The following PLCH1 variants were observed in gnomAD, a reference collection of about 807,000 sequenced individuals.
PLCH1 encodes 1-phosphatidylinositol 4,5-bisphosphate phosphodiesterase eta-1.
PLCH1 carries 60 observed loss-of-function variants against 126.7 expected under a neutral mutation model. That is an observed-to-expected ratio of 0.47 (90% CI 0.38 to 0.59). The LOEUF (loss-of-function observed/expected upper bound fraction) is 0.59, where lower values mean the gene tolerates loss of function less well. Among genes scored for constraint, PLCH1 ranks in the 20% least tolerant of loss-of-function variants. The probability of loss-of-function intolerance (pLI) is 0.00; values close to 1 mark genes in which losing one functional copy is unlikely to be tolerated. For missense variants in PLCH1, 1,723 were observed against 2,040.0 expected (o/e 0.84, Z 2.99); for synonymous variants, 719 against 734.9 (o/e 0.98, Z 0.35).
In PLCH1 at chr3:155,494,371, G is replaced by A; in HGVS notation, c.2041C>T (p.Pro681Ser). Residue 681 changes from proline (P) to serine (S), a missense_variant, in exon 16 of 23, where the codon CCT becomes TCT. By Grantham distance (74) the Pro-to-Ser change is moderately conservative (BLOSUM62 -1). Transcript: ENST00000460012. ...AYRIDSSNFN[P>S]LPYWNAGCQL... Reference sequence around the variant, plus strand: ...CAGCCTGCGTTCCAGTAGGGGAGAGGGTTGAAGTTACTGGAATCAATGCGG... The same window carrying A: ...CAGCCTGCGTTCCAGTAGGGGAGAGAGTTGAAGTTACTGGAATCAATGCGG... The A allele has an allele frequency of 1.2e-6, 2 of 1,614,128 alleles. No homozygotes were observed. Among genetic ancestry groups the A allele is most frequent in the Non-Finnish European group, 1.7e-6 (2 of 1,180,002 alleles).
intron 21 of PLCH1, among the ~76,000 whole-genome samples, chr3:155,458,476 AAG>A (rs760095025): frequency 3.6e-5 from 4 of 110,092 alleles, no homozygotes; most frequent in South Asian, 5.2e-4. Flanking sequence ...GAAAGAAAGA[AAG>A]AAAGAAAGAA....
intron 1 of PLCH1, among the ~76,000 whole-genome samples, chr3:155,715,393 C>G (rs1002368310): frequency 5.3e-5 from 8 of 152,168 alleles, no homozygotes; most frequent in African/African-American, 1.9e-4. Flanking sequence ...CCTCTGCCTC[C>G]CAGGGTCAAG....
chr3:155,665,667 G>C (rs550233180), intron 2 of PLCH1, among the ~76,000 whole-genome samples: 1 of 152,280 alleles, frequency 6.6e-6, no homozygotes, highest in East Asian at 1.9e-4. Context: ...AGTCTGATCA[G>C]CCCCGGCCTC....
chr3:155,704,325 G>T (rs992130863), intron 1 of PLCH1, 61 bp from the exon 2 acceptor site: 5 of 425,950 alleles, frequency 1.2e-5, no homozygotes, highest in Non-Finnish European at 2.0e-5. Context: ...GCTCACACTG[G>T]TAGCATAATG....
chr3:155,675,992 CT>C, intron 2 of PLCH1: 1 of 1,493,652 alleles, frequency 6.7e-7, no homozygotes, highest in Non-Finnish European at 9.1e-7. Context: ...TAGTATGAGT[CT>C]TACCTTTTTC....
In PLCH1 at chr3:155,482,501, A is replaced by G; in HGVS notation, c.3525T>C (p.Asn1175=). The G allele has an allele frequency of 1.2e-6, 2 of 1,614,164 alleles. No individual in the cohort carries two copies. The highest frequency in any genetic ancestry group is 1.7e-6 in the Non-Finnish European group (2 of 1,180,012). ...GCTCATTCTCATTTGTTAAAGTGACATTGTCAATAAGATGGGAAATTACAC... is the reference window on the plus strand; with the variant it reads ...GCTCATTCTCATTTGTTAAAGTGACGTTGTCAATAAGATGGGAAATTACAC... ...QESVISHLID[N]VTLTNENEPG... Residue 1175 remains asparagine, a synonymous_variant, in exon 23 of 23, where the codon AAT becomes AAC. Coordinates refer to ENST00000460012, the MANE Select transcript of PLCH1 (RefSeq NM_014996.4).
chr3:155,640,736 A>C (rs1320655528), intron 2 of PLCH1, among the ~76,000 whole-genome samples: 4 of 152,206 alleles, frequency 2.6e-5, no homozygotes, highest in Non-Finnish European at 4.4e-5. Context: ...TTATTGGCCC[A>C]AAACCTCCAT....
chr3:155,715,606 CTTTTT>C (rs763813354), intron 1 of PLCH1, among the ~76,000 whole-genome samples: 1 of 122,762 alleles, frequency 8.1e-6, no homozygotes, highest in East Asian at 2.3e-4. Context: ...CATCTGGCCT[CTTTTT>C]TTTTTTTTTT....
intron 7 of PLCH1, among the ~76,000 whole-genome samples, chr3:155,565,702 ATTTT>A (rs34922939): frequency 1.4e-4 from 6 of 43,658 alleles, no homozygotes; most frequent in Non-Finnish European, 6.8e-4. Context: ...TTATTTATTT[ATTTT>A]TTTTTTTGAG....
At chr3:155,486,629 A>G (rs1022998207) in intron 21 of PLCH1, among the ~76,000 whole-genome samples, 1 of 143,940 alleles carries the variant, frequency 6.9e-6, no homozygotes, top group Non-Finnish European at 1.5e-5. Flanking sequence ...GGTTCACGCC[A>G]TTCTCCTGCC....
chr3:155,678,332 G>T (rs187298529), intron 2 of PLCH1, among the ~76,000 whole-genome samples: 1 of 152,184 alleles, frequency 6.6e-6, no homozygotes, highest in African/African-American at 2.4e-5. Context: ...ACCGTTGAGG[G>T]CCAAGCCACT....
intron 2 of PLCH1, chr3:155,658,055 C>A: frequency 4.7e-6 from 1 of 212,388 alleles, no homozygotes; most frequent in South Asian, 8.7e-5. Flanking sequence ...GTTACAAAAC[C>A]GGTTGGTGGT....
chr3:155,462,659 C>T (rs1263896635), intron 21 of PLCH1, among the ~76,000 whole-genome samples: 7 of 152,216 alleles, frequency 4.6e-5, no homozygotes, highest in African/African-American at 1.7e-4. Flanking sequence ...TTATGTATCA[C>T]ACCAGCTCCT....
rs1713372096 is a variant in PLCH1, at chr3:155,473,333, A to G, written c.2938+12023T>C. Among the ~76,000 whole-genome samples, 3 of 152,302 alleles carry G rather than the reference A, an allele frequency of 2.0e-5. No homozygotes were observed. In the South Asian group the frequency reaches 6.2e-4, roughly 32 times the overall value. On this transcript the variant is annotated intron_variant, in intron 21 of 21. Coordinates refer to the PLCH1 transcript ENST00000494598. ...GTGACCTCCCATTCACAATTGCTTC[A>G]AAGAGAATAAAATACCTAGGAATCC...
intron 1 of PLCH1, chr3:155,743,666 G>T (rs1291921573): frequency 2.6e-6 from 1 of 382,578 alleles, no homozygotes; most frequent in Non-Finnish European, 5.0e-6. Context: ...AAAAACTACC[G>T]CCTCTTCTGG....
At chr3:155,656,530 G>C (rs865991873) in intron 2 of PLCH1, among the ~76,000 whole-genome samples, 3 of 152,072 alleles carry the variant, frequency 2.0e-5, no homozygotes, top group Non-Finnish European at 2.9e-5. Context: ...CATTTCACCA[G>C]ATATAAGAAG....
At chr3:155,522,975 G>A (rs1384896753) in intron 11 of PLCH1, among the ~76,000 whole-genome samples, 1 of 146,012 alleles carries the variant, frequency 6.8e-6, no homozygotes, top group Non-Finnish European at 1.5e-5. Flanking sequence ...GGGGGGGTGG[G>A]GTGTGGGGTT....
Position 155,557,142 on chromosome 3 carries a change from G to A in PLCH1, c.1070-2946C>T, listed in dbSNP as rs559190399. The stretch of plus-strand genomic sequence containing the variant: ...TTGGGGCCTGCAAATGAGGTCATAT[G>A]TATCAACAACATCTTCTCACAAGAG... On this transcript the variant is annotated intron_variant, in intron 8 of 22. Coordinates refer to ENST00000460012, the MANE Select transcript of PLCH1 (RefSeq NM_014996.4). Among the ~76,000 whole-genome samples the A allele has an allele frequency of 7.9e-5, 12 of 152,286 alleles. No homozygotes were observed. In the South Asian group the frequency reaches 2.5e-3, roughly 32 times the overall value.
At chr3:155,719,685 T>C (rs1183806296) in intron 1 of PLCH1, among the ~76,000 whole-genome samples, 1 of 151,918 alleles carries the variant, frequency 6.6e-6, no homozygotes, top group Non-Finnish European at 1.5e-5. Context: ...CACTTTTGTT[T>C]TAGTAAAAAA....
Sources: gnomAD v4.1 joint callset for allele counts (sites outside exome capture counted in the v4.1 genomes callset) on GRCh38, gnomAD v4.1.1 for gene constraint, MANE v1.5 for transcripts, NCBI Gene and HGNC (gene_info 2026-07-23, HGNC 2026-07-21) for gene names.